The following STK3 variants were observed in gnomAD, a reference collection of about 807,000 sequenced individuals.
STK3 encodes the protein serine/threonine kinase 3.
Under a neutral mutation model 58.0 loss-of-function variants are expected in STK3, and 41 were observed. The observed-to-expected ratio is 0.71, with a 90% CI of 0.55 to 0.92. STK3 has a LOEUF of 0.92. STK3 is among the 40% of genes least tolerant of loss of function. STK3 has a pLI of 0.00. For missense variants in STK3, 479 were observed against 602.7 expected (o/e 0.79, Z 2.15); for synonymous variants, 170 against 191.0 (o/e 0.89, Z 0.91).
intron 3 of STK3, among the ~76,000 whole-genome samples, chr8:98,840,634 C>T (rs1835946502): frequency 5.2e-5 from 7 of 134,996 alleles, no homozygotes; most frequent in Non-Finnish European, 9.6e-5. Context: ...TATATACACA[C>T]ACATACGTTT....
intron 4 of STK3, among the ~76,000 whole-genome samples, chr8:98,719,766 T>C (rs1401888272): frequency 6.6e-6 from 1 of 152,230 alleles, no homozygotes; most frequent in Non-Finnish European, 1.5e-5. Flanking sequence ...GTGCTGGATA[T>C]ACACGGACAG....
intron 7 of STK3, among the ~76,000 whole-genome samples, chr8:98,581,607 T>A (rs1050368480): frequency 6.6e-6 from 1 of 151,790 alleles, no homozygotes; most frequent in South Asian, 2.1e-4. Flanking sequence ...ACGGTTATCA[T>A]CTGAAAGTTT....
intron 1 of STK3, among the ~76,000 whole-genome samples, chr8:98,930,208 G>A (rs1839957208): frequency 6.6e-6 from 1 of 152,162 alleles, no homozygotes; most frequent in African/African-American, 2.4e-5. Flanking sequence ...TGGGGAGGAG[G>A]GGAAGGCGGT....
downstream of STK3, among the ~76,000 whole-genome samples, chr8:98,399,347 C>T (rs1323082857): frequency 6.6e-6 from 1 of 152,230 alleles, no homozygotes; most frequent in Admixed American, 6.5e-5. Context: ...GGGCTACAAG[C>T]GAGCTTCATT....
chr8:98,715,261 C>T (rs570009530), intron 4 of STK3, among the ~76,000 whole-genome samples: 256 of 152,202 alleles, frequency 1.7e-3, no homozygotes, highest in African/African-American at 5.8e-3. Flanking sequence ...GCAATGGCAA[C>T]GAAAGCCAAA....
chr8:98,608,224 T>C (rs1352696991), intron 6 of STK3, among the ~76,000 whole-genome samples: 1 of 152,140 alleles, frequency 6.6e-6, no homozygotes, highest in Non-Finnish European at 1.5e-5. Flanking sequence ...AAATAATGTG[T>C]TACAACACTC....
At chr8:98,797,050 C>T (rs1833222835) in intron 1 of STK3, among the ~76,000 whole-genome samples, 1 of 152,172 alleles carries the variant, frequency 6.6e-6, no homozygotes, top group Non-Finnish European at 1.5e-5. Context: ...AGTTTTGAAG[C>T]CAGCCACTGA....
At chr8:98,573,189 G>A (rs545234805) in intron 8 of STK3, among the ~76,000 whole-genome samples, 1 of 152,330 alleles carries the variant, frequency 6.6e-6, no homozygotes, top group East Asian at 1.9e-4. Context: ...GAAAGCTGGA[G>A]AAAAGGAGAT....
Position 98,428,072 on chromosome 8 carries a change from C to G in STK3, n.483+6055G>C. On this transcript the variant is annotated intron_variant and non_coding_transcript_variant, in intron 3 of 3. Coordinates refer to the STK3 transcript ENST00000517832. This position sits in a 1 kb window ranked among gnomAD's most constrained non-coding sequence, Gnocchi z 6.7. ...TGGGCGGCTTCAAGAGGAGGCTGCG[C>G]TCGCACACGCTGCTGCGCTTCCCCG... 6.2e-7 allele frequency: 1 copy of G among 1,613,558 alleles called. No individual in the cohort carries two copies. Among genetic ancestry groups the G allele is most frequent in the Non-Finnish European group, 8.5e-7 (1 of 1,179,788 alleles).
intron 6 of STK3, among the ~76,000 whole-genome samples, chr8:98,635,313 T>C (rs890031389): frequency 3.3e-5 from 5 of 152,232 alleles, no homozygotes; most frequent in Admixed American, 2.6e-4. Context: ...ATAGCACTTA[T>C]TATGTATGGG....
chr8:98,565,345 T>G (rs1449776472), intron 8 of STK3, among the ~76,000 whole-genome samples: 2 of 152,154 alleles, frequency 1.3e-5, no homozygotes, highest in Non-Finnish European at 2.9e-5. Flanking sequence ...ATTAAATATT[T>G]TACATACTAT....
At chr8:98,868,738 G>A (rs1230744904) in intron 3 of STK3, among the ~76,000 whole-genome samples, 6 of 152,052 alleles carry the variant, frequency 3.9e-5, no homozygotes, top group Admixed American at 2.0e-4. Flanking sequence ...GGAGGCCGAC[G>A]CCGGCGGATG....
intron 6 of STK3, chr8:98,598,316 A>G (rs1816007701): frequency 2.0e-6 from 2 of 985,136 alleles, no homozygotes; most frequent in South Asian, 4.7e-5. Flanking sequence ...AAAAAGCTTA[A>G]CTCTAACTCT....
At chr8:98,811,112 G>C (rs1029260745) in intron 1 of STK3, among the ~76,000 whole-genome samples, 2 of 152,118 alleles carry the variant, frequency 1.3e-5, no homozygotes, top group Non-Finnish European at 2.9e-5. Flanking sequence ...ACACAAAACA[G>C]ACTAATACAA....
At chr8:98,810,035 T>C (rs1017839756) in intron 1 of STK3, among the ~76,000 whole-genome samples, 3 of 152,224 alleles carry the variant, frequency 2.0e-5, no homozygotes, top group Admixed American at 1.3e-4. Flanking sequence ...GCACTTCACA[T>C]GGCCACGTGG....
At chr8:98,917,523 C>T (rs148283452) in intron 1 of STK3, among the ~76,000 whole-genome samples, 269 of 152,228 alleles carry the variant, frequency 1.8e-3, no homozygotes, top group African/African-American at 5.2e-3. Flanking sequence ...CGCTTAAGAA[C>T]GGGATTAGTA....
chr8:98,467,862 T>G (rs1820606374), intron 10 of STK3, among the ~76,000 whole-genome samples: 2 of 152,346 alleles, frequency 1.3e-5, no homozygotes, highest in South Asian at 4.1e-4. Context: ...AGCATCATTC[T>G]TACTAATGTC....
intron 1 of STK3, among the ~76,000 whole-genome samples, chr8:98,792,633 G>A (rs1321804899): frequency 6.6e-6 from 1 of 152,170 alleles, no homozygotes; most frequent in African/African-American, 2.4e-5. Context: ...CCCAGGAAGT[G>A]GATGTTGCGG....
intron 1 of STK3, chr8:98,905,450 G>A (rs1838857040): frequency 7.7e-7 from 1 of 1,296,750 alleles, no homozygotes; most frequent in African/African-American, 1.5e-5. Context: ...TTGACGCTTT[G>A]CTCTTATTCT....
Sources: gnomAD v4.1 joint callset for allele counts (sites outside exome capture counted in the v4.1 genomes callset) on GRCh38, gnomAD v4.1.1 for gene constraint, Gnocchi (gnomAD v3.1) non-coding constraint, MANE v1.5 for transcripts, NCBI Gene and HGNC (gene_info 2026-07-23, HGNC 2026-07-21) for gene names.